TMTC1: variants seen among roughly 807,000 people sequenced by gnomAD.
The protein encoded by TMTC1 is protein O-mannosyl-transferase TMTC1.
TMTC1 carries 73 observed loss-of-function variants against 104.8 expected under a neutral mutation model. The ratio of observed to expected loss-of-function variants is 0.70; its 90% CI spans 0.58 to 0.85. The LOEUF (loss-of-function observed/expected upper bound fraction) is 0.85. Ranked by LOEUF, TMTC1 falls within the 40% of genes least tolerant of loss-of-function variation. TMTC1 has a pLI of 0.00. For synonymous variants in TMTC1, 434 were observed against 428.7 expected, an observed-to-expected ratio of 1.01 and a Z score of -0.15; for missense variants, 1,035 against 1,096.1, an observed-to-expected ratio of 0.94 and a Z score of 0.79.
intron 5 of TMTC1, among the ~76,000 whole-genome samples, chr12:29,678,991 C>A (rs988526095): frequency 6.6e-6 from 1 of 152,078 alleles, no homozygotes; most frequent in South Asian, 2.1e-4. Flanking sequence ...CCGAAATGCA[C>A]AGAAAGAGTT....
At chr12:29,593,684 C>T (rs1188240960) in intron 7 of TMTC1, among the ~76,000 whole-genome samples, 2 of 152,198 alleles carry the variant, frequency 1.3e-5, no homozygotes, top group African/African-American at 4.8e-5. Context: ...TCAAACCTCT[C>T]CCTACTCTTC....
intron 5 of TMTC1, among the ~76,000 whole-genome samples, chr12:29,743,919 G>A (rs1592000718): frequency 6.6e-6 from 1 of 152,330 alleles, no homozygotes; most frequent in East Asian, 1.9e-4. Context: ...AAAGAAGAGA[G>A]CTGTTTTGTG....
intron 5 of TMTC1, among the ~76,000 whole-genome samples, chr12:29,666,947 C>CA (rs1332784618): frequency 2.6e-5 from 4 of 152,008 alleles, no homozygotes; most frequent in African/African-American, 9.7e-5. Context: ...ATATTCAGAT[C>CA]AAAAAAATGT....
intron 9 of TMTC1, among the ~76,000 whole-genome samples, chr12:29,560,391 T>A (rs1453865217): frequency 6.6e-6 from 1 of 152,230 alleles, no homozygotes; most frequent in African/African-American, 2.4e-5. Flanking sequence ...TTTTAAAATT[T>A]ATTATAGAGA....
intron 11 of TMTC1, among the ~76,000 whole-genome samples, chr12:29,523,914 A>G (rs1163961368): frequency 6.6e-6 from 1 of 152,140 alleles, no homozygotes; most frequent in East Asian, 1.9e-4. Flanking sequence ...GTATGAACTC[A>G]GTCCAAAATA....
chr12:29,561,812 AT>A (rs1283994040), intron 9 of TMTC1, among the ~76,000 whole-genome samples: 2 of 152,120 alleles, frequency 1.3e-5, no homozygotes, highest in Admixed American at 1.3e-4. Flanking sequence ...ACACACCCTG[AT>A]TTATTTTCAG....
intron 8 of TMTC1, among the ~76,000 whole-genome samples, chr12:29,579,901 C>T (rs975448821): frequency 2.0e-5 from 3 of 152,184 alleles, no homozygotes; most frequent in Admixed American, 6.5e-5. Flanking sequence ...AAAGTTTATG[C>T]ACCTTTTGAT....
intron 10 of TMTC1, among the ~76,000 whole-genome samples, chr12:29,543,598 C>T (rs1397414719): frequency 1.3e-5 from 2 of 152,048 alleles, no homozygotes; most frequent in Non-Finnish European, 1.5e-5. Context: ...ATTGATGTTC[C>T]CAACAAATGA....
intron 5 of TMTC1, among the ~76,000 whole-genome samples, chr12:29,744,161 T>A (rs1374628058): frequency 1.3e-5 from 2 of 152,244 alleles, no homozygotes; most frequent in Non-Finnish European, 2.9e-5. Flanking sequence ...GCTTGATTAC[T>A]CTACACTGAG....
chr12:29,608,144 TATCAA>T (rs1216004667), intron 6 of TMTC1, among the ~76,000 whole-genome samples: 3 of 152,152 alleles, frequency 2.0e-5, no homozygotes, highest in Non-Finnish European at 4.4e-5. Context: ...TTGAAAAACA[TATCAA>T]TCTGCCAAGC....
In TMTC1 at chr12:29,503,672, T is replaced by G. The variant is rs1943640694; in HGVS notation, c.*3174A>C. On this transcript the variant is annotated 3_prime_UTR_variant, in exon 18 of 18. Coordinates refer to ENST00000539277, the MANE Select transcript of TMTC1 (RefSeq NM_001193451.2). ...ATGAAACTCTGATCATTGGTTCAAATGTTCAGCCAGGCCAAAGCAACTCCT... is the reference window on the plus strand; with the variant it reads ...ATGAAACTCTGATCATTGGTTCAAAGGTTCAGCCAGGCCAAAGCAACTCCT... 1 of 152,236 alleles carries G rather than the reference T, an allele frequency of 6.6e-6. No homozygotes were observed. The highest frequency in any genetic ancestry group is 6.5e-5 in the Admixed American group (1 of 15,280). The allele number at this position is 152,236 out of a possible 1,614,324, so 9.4% of individuals were successfully genotyped here. A position where few individuals can be genotyped will look rare whatever the true frequency, so the allele number is the denominator to read the frequency against.
chr12:29,579,963 C>A lies in TMTC1; in HGVS notation c.1418+3444G>T, dbSNP rs376568646. 7.9e-5 allele frequency among the ~76,000 whole-genome samples: 12 copies of A among 152,250 alleles called. No individual in the cohort carries two copies. In the East Asian group the frequency reaches 1.4e-3, roughly 17 times the overall value. ...TTGGCTTCTGTAAAGGTTATTTCAGCTTAGACAATTTACCCTGTCCACACC... is the reference window on the plus strand; with the variant it reads ...TTGGCTTCTGTAAAGGTTATTTCAGATTAGACAATTTACCCTGTCCACACC... On this transcript the variant is annotated intron_variant, in intron 8 of 17. Coordinates refer to ENST00000539277, the MANE Select transcript of TMTC1 (RefSeq NM_001193451.2).
chr12:29,569,423 G>A (rs1044720042), intron 9 of TMTC1, among the ~76,000 whole-genome samples: 18 of 152,170 alleles, frequency 1.2e-4, no homozygotes, highest in African/African-American at 4.1e-4. Flanking sequence ...AGATAATAGC[G>A]CCTTTAACAT....
chr12:29,707,793 A>G (rs893714035), intron 5 of TMTC1, among the ~76,000 whole-genome samples: 1 of 152,026 alleles, frequency 6.6e-6, no homozygotes, highest in South Asian at 2.1e-4. Flanking sequence ...GCTGTGCACT[A>G]CCTGTCCACA....
intron 7 of TMTC1, among the ~76,000 whole-genome samples, chr12:29,591,728 G>A (rs1946285592): frequency 6.6e-6 from 1 of 152,144 alleles, no homozygotes. Flanking sequence ...TTCTCTTTCT[G>A]CTTTTATGAT....
intron 17 of TMTC1, among the ~76,000 whole-genome samples, chr12:29,509,324 C>T (rs953570466): frequency 6.6e-5 from 10 of 152,180 alleles, no homozygotes; most frequent in African/African-American, 1.2e-4. Context: ...TCATAAGAAG[C>T]GTTACTTTTT....
intron 11 of TMTC1, among the ~76,000 whole-genome samples, chr12:29,525,134 T>C (rs2136171523): frequency 6.7e-6 from 1 of 149,676 alleles, no homozygotes; most frequent in East Asian, 2.0e-4. Context: ...AAAGTTTTGC[T>C]GTAGTGTGGG....
chr12:29,662,796 C>T (rs1326059930), intron 5 of TMTC1, among the ~76,000 whole-genome samples: 1 of 152,022 alleles, frequency 6.6e-6, no homozygotes, highest in Non-Finnish European at 1.5e-5. Flanking sequence ...TCTGCCTGGT[C>T]CATAAAGAGC....
rs1264584136 is a variant in TMTC1, at chr12:29,503,545, G to A, written c.*3301C>T. On this transcript the variant is annotated 3_prime_UTR_variant, in exon 18 of 18. Coordinates refer to ENST00000539277, the MANE Select transcript of TMTC1 (RefSeq NM_001193451.2). ...CTGATTCTAGGCACAAAAAAAAGGA[G>A]AGGTTAGATGGACTGGAAAAAGAGG... The A allele has an allele frequency of 6.6e-6, 1 of 152,162 alleles. No homozygotes were observed. Among genetic ancestry groups the A allele is most frequent in the Non-Finnish European group, 1.5e-5 (1 of 68,046 alleles). 9.4% of individuals were successfully genotyped at this position (152,162 alleles called of 1,614,324 possible).
Sources: gnomAD v4.1 joint callset for allele counts (sites outside exome capture counted in the v4.1 genomes callset) on GRCh38, gnomAD v4.1.1 for gene constraint, MANE v1.5 for transcripts, NCBI Gene and HGNC (gene_info 2026-07-23, HGNC 2026-07-21) for gene names.